Variants in OR8B2 observed in about 807,000 individuals in gnomAD.
The protein encoded by OR8B2 is olfactory receptor family 8 subfamily B member 2.
For synonymous variants in OR8B2, 98 were observed against 138.2 expected (o/e 0.71, Z 2.04); for missense variants, 304 against 379.6 (o/e 0.80, Z 1.65).
upstream of OR8B2, among the ~76,000 whole-genome samples, chr11:124,386,825 A>G (rs1860709057): frequency 6.6e-6 from 1 of 152,074 alleles, no homozygotes; most frequent in Non-Finnish European, 1.5e-5. Context: ...TCCCTGAGGA[A>G]TGGCCACACT....
chr11:124,396,189 G>C, the OR8B2 span: 3 of 508,512 alleles, frequency 5.9e-6, no homozygotes, highest in Admixed American at 7.4e-5. Flanking sequence ...CAGTGCATAT[G>C]TTCCTTTTAC....
the OR8B2 span, chr11:124,396,657 T>G: frequency 6.2e-7 from 1 of 1,611,648 alleles, no homozygotes; most frequent in Non-Finnish European, 8.5e-7. Flanking sequence ...TGATCTTCCT[T>G]GAGTGGATTT....
chr11:124,382,696 A>T lies in OR8B2; in HGVS notation c.648T>A (p.Ile216=). Residue 216 remains isoleucine, a synonymous_variant, in exon 2 of 2, where the codon ATT becomes ATA. Coordinates refer to ENST00000641451, the MANE Select transcript of OR8B2 (RefSeq NM_001005468.2). ...TGCTAGTGACAATGAAAACATAAGAAATGAGGATGGTACAACTGGGTACCG... is the reference window on the plus strand; with the variant it reads ...TGCTAGTGACAATGAAAACATAAGATATGAGGATGGTACAACTGGGTACCG... ...NITVPSCTIL[I]SYVFIVTSIL... 4 of 1,613,842 alleles carry T rather than the reference A, an allele frequency of 2.5e-6. No individual in the cohort carries two copies. Among genetic ancestry groups the T allele is most frequent in the Non-Finnish European group, 3.4e-6 (4 of 1,179,838 alleles).
the OR8B2 span, chr11:124,396,540 T>C: frequency 6.2e-7 from 1 of 1,613,886 alleles, no homozygotes; most frequent in African/African-American, 1.3e-5. Flanking sequence ...AGAAGAAACT[T>C]TTCCCTGCTC....
chr11:124,389,782 A>AT, the OR8B2 span, among the ~76,000 whole-genome samples: 1 of 152,196 alleles, frequency 6.6e-6, no homozygotes. Context: ...AAGAGAGTCC[A>AT]TAAAAATCAC....
the OR8B2 span, among the ~76,000 whole-genome samples, chr11:124,395,137 C>T: frequency 7.5e-6 from 1 of 134,128 alleles, no homozygotes; most frequent in Non-Finnish European, 1.6e-5. Context: ...CAAAACCATA[C>T]AAAAAAAAAA....
chr11:124,382,526 G>T lies in OR8B2; in HGVS notation c.818C>A (p.Ser273Tyr). The change falls in exon 2 of 2, where the codon TCT (serine) becomes TAT (tyrosine). Residue 273 changes from serine to tyrosine, a missense_variant. Physicochemically the swap from Ser to Tyr is moderately radical, Grantham distance 144 (BLOSUM62 -2). Coordinates refer to ENST00000641451, the MANE Select transcript of OR8B2 (RefSeq NM_001005468.2). Reference sequence around the variant, plus strand: ...CACCACATTAGTGTAGAAAACAGAAGAAACTTTTCCCTGCTCCATAGATCC... The same window carrying T: ...CACCACATTAGTGTAGAAAACAGAATAAACTTTTCCCTGCTCCATAGATCC... ...SSGSMEQGKV[S>Y]SVFYTNVVPM... is the part of the protein sequence containing the mutation. 1.2e-6 allele frequency: 2 copies of T among 1,613,368 alleles called. No individual in the cohort carries two copies. Among genetic ancestry groups the T allele is most frequent in the South Asian group, 2.2e-5 (2 of 91,042 alleles).
At chr11:124,387,500 A>G (rs1447670622), upstream of OR8B2, among the ~76,000 whole-genome samples, 1 of 151,642 alleles carries the variant, frequency 6.6e-6, no homozygotes, top group African/African-American at 2.4e-5. Context: ...TCCCAGCACC[A>G]TTTATTAAAT....
chr11:124,393,045 A>G, the OR8B2 span, among the ~76,000 whole-genome samples: 1 of 145,700 alleles, frequency 6.9e-6, no homozygotes, highest in African/African-American at 2.7e-5. Flanking sequence ...TGGTGCTGGG[A>G]AAACTGGCTA....
upstream of OR8B2, among the ~76,000 whole-genome samples, chr11:124,386,280 A>C (rs1860698328): frequency 6.7e-6 from 1 of 148,314 alleles, no homozygotes; most frequent in Non-Finnish European, 1.5e-5. Context: ...ATTATACTTT[A>C]AGTTTCAGGG....
Position 124,383,022 on chromosome 11 carries a change from C to T in OR8B2, c.322G>A (p.Val108Ile), listed in dbSNP as rs367639162. 4.2e-5 allele frequency: 68 copies of T among 1,613,322 alleles called. No homozygotes were observed. Among genetic ancestry groups the T allele is most frequent in the African/African-American group, 3.7e-4 (28 of 74,702 alleles). Residue 108 changes from valine (V) to isoleucine (I), a missense_variant, in exon 2 of 2, where the codon GTC (valine) becomes ATC (isoleucine). Physicochemically the swap from Val to Ile is conservative, Grantham distance 29. Transcript: ENST00000641451. ...MTRLFFFLFF[V>I]ISECYMLTSM... ...GTCAACATGTAACATTCAGAGATGA[C>T]GAAAAAGAGAAAGAAAAACAGCCGA...
the OR8B2 span, chr11:124,396,367 A>C: frequency 4.0e-6 from 6 of 1,517,978 alleles, no homozygotes; most frequent in African/African-American, 2.8e-5. Flanking sequence ...CACTAATAAA[A>C]ATTTAAAGTT....
chr11:124,393,885 A>G, the OR8B2 span, among the ~76,000 whole-genome samples: 145,569 of 150,346 alleles, frequency 0.97, 70,505 homozygotes, highest in East Asian at 1. Flanking sequence ...ACTGGATTAA[A>G]AAAATGTGGC....
chr11:124,385,820 A>AG (rs1167038318), upstream of OR8B2, among the ~76,000 whole-genome samples: 8 of 151,846 alleles, frequency 5.3e-5, no homozygotes, highest in South Asian at 2.1e-4. Context: ...TTGTAGGGAT[A>AG]GGGGGTCTCA....
chr11:124,390,916 T>C, the OR8B2 span, among the ~76,000 whole-genome samples: 111 of 152,156 alleles, frequency 7.3e-4, no homozygotes, highest in African/African-American at 2.3e-3. Flanking sequence ...GTTTTGTGTA[T>C]AGTGTGAGGT....
chr11:124,396,937 G>C, the OR8B2 span: 1 of 1,609,190 alleles, frequency 6.2e-7, no homozygotes, highest in African/African-American at 1.3e-5. Flanking sequence ...GAACAGACCT[G>C]ATGGGACATG....
chr11:124,397,087 T>G, the OR8B2 span: 18 of 1,613,872 alleles, frequency 1.1e-5, no homozygotes, highest in Non-Finnish European at 1.4e-5. Flanking sequence ...ATAATATTCT[T>G]TTTTGATACA....
the OR8B2 span, among the ~76,000 whole-genome samples, chr11:124,390,330 T>C: frequency 6.6e-6 from 1 of 152,128 alleles, no homozygotes; most frequent in South Asian, 2.1e-4. Flanking sequence ...TTGGCAGGTG[T>C]TTATTGATTT....
chr11:124,395,302 A>C, the OR8B2 span, among the ~76,000 whole-genome samples: 1 of 152,202 alleles, frequency 6.6e-6, no homozygotes, highest in Middle Eastern at 3.4e-3. Flanking sequence ...AAACAAAAAA[A>C]CTTCAATTCA....
Sources: gnomAD v4.1 joint callset for allele counts (sites outside exome capture counted in the v4.1 genomes callset) on GRCh38, gnomAD v4.1.1 for gene constraint, MANE v1.5 for transcripts, NCBI Gene and HGNC (gene_info 2026-07-23, HGNC 2026-07-21) for gene names.